PCDHA2: variants seen among roughly 807,000 people sequenced by gnomAD.
The protein encoded by PCDHA2 is protocadherin alpha-2.
PCDHA2 carries 58 observed loss-of-function variants against 66.0 expected under a neutral mutation model. That is an observed-to-expected ratio of 0.88 (90% CI 0.71 to 1.09). The LOEUF is 1.09. Among genes scored for constraint, PCDHA2 ranks in the 50% least tolerant of loss-of-function variants. PCDHA2 has a pLI of 0.00. For missense variants in PCDHA2, 1,267 were observed against 1,242.3 expected (o/e 1.02, Z -0.30); for synonymous variants, 634 against 554.0 (o/e 1.14, Z -2.03).
intron 1 of PCDHA2, among the ~76,000 whole-genome samples, chr5:140,893,520 T>G (rs1490032872): frequency 6.6e-6 from 1 of 152,152 alleles, no homozygotes; most frequent in Non-Finnish European, 1.5e-5. Flanking sequence ...GTTGTAGAAC[T>G]CCTTTAAGTA....
chr5:140,875,246 C>A (rs2055373842), intron 1 of PCDHA2: 3 of 955,372 alleles, frequency 3.1e-6, no homozygotes, highest in Non-Finnish European at 4.4e-6. Flanking sequence ...CTTACATAAT[C>A]AGTCACATGA....
Position 140,928,944 on chromosome 5 carries a change from A to C in PCDHA2, c.2389-50005A>C, listed in dbSNP as rs782627710. The C allele has an allele frequency of 6.2e-6, 10 of 1,614,070 alleles. No homozygotes were observed. In the Admixed American group the frequency reaches 1.7e-4, roughly 27 times the overall value. On this transcript the variant is annotated intron_variant, in intron 1 of 3. Transcript: ENST00000526136. ...AGCTTTCTGCCCAGAACTTGTATTTAGTAATTGCCTTGGCTTGTATTTCCT... is the reference window on the plus strand; with the variant it reads ...AGCTTTCTGCCCAGAACTTGTATTTCGTAATTGCCTTGGCTTGTATTTCCT...
rs1475862780 is a variant in PCDHA2 at position 140,982,724 on chromosome 5, G to T, written c.2536+161G>T. On this transcript the variant is annotated intron_variant, in intron 3 of 3. Transcript: ENST00000526136. Reference sequence around the variant, plus strand: ...ATTTCCTTACATATATGATTATTTTGATTTTATACCTAATGCTCTTCAGGA... The same window carrying T: ...ATTTCCTTACATATATGATTATTTTTATTTTATACCTAATGCTCTTCAGGA... 5.5e-6 allele frequency: 5 copies of T among 906,286 alleles called. No homozygotes were observed. The African/African-American group carries it at 9.0e-5, about 16-fold the overall frequency. The allele number at this position is 906,286 out of a possible 1,614,324, so 56.1% of individuals were successfully genotyped here.
intron 1 of PCDHA2, among the ~76,000 whole-genome samples, chr5:140,960,605 A>G (rs1405858302): frequency 6.6e-6 from 1 of 152,184 alleles, no homozygotes; most frequent in Non-Finnish European, 1.5e-5. Flanking sequence ...TACTTCAACA[A>G]TATCTAGTGT....
At chr5:140,829,447 T>G (rs2150168122) in intron 1 of PCDHA2, 1 of 1,613,912 alleles carries the variant, frequency 6.2e-7, no homozygotes, top group Non-Finnish European at 8.5e-7. Context: ...ATGACAATGC[T>G]CCGGCGTTCG....
At chr5:140,895,206 AT>A (rs2064913908) in intron 1 of PCDHA2, among the ~76,000 whole-genome samples, 1 of 151,808 alleles carries the variant, frequency 6.6e-6, no homozygotes, top group Non-Finnish European at 1.5e-5. Flanking sequence ...ATTTGCTTTT[AT>A]TTCTAATATT....
chr5:140,883,401 A>C, intron 1 of PCDHA2: 2 of 1,614,108 alleles, frequency 1.2e-6, no homozygotes, highest in Non-Finnish European at 1.7e-6. Flanking sequence ...TCCGATCGTG[A>C]CTCTGGCTCA....
Position 140,842,399 on chromosome 5 carries a change from C to T in PCDHA2, c.2388+45047C>T, listed in dbSNP as rs2150335315. The T allele has an allele frequency of 1.9e-5, 30 of 1,611,330 alleles. No individual in the cohort carries two copies. The South Asian group carries it at 3.2e-4, about 17-fold the overall frequency. Reference sequence around the variant, plus strand: ...ACTGACTTCCTTATCCTTGCCTGTACGTGAAGACGCTCAATTTGGTACTGT... The same window carrying T: ...ACTGACTTCCTTATCCTTGCCTGTATGTGAAGACGCTCAATTTGGTACTGT... On this transcript the variant is annotated intron_variant, in intron 1 of 3. Transcript: ENST00000526136.
intron 1 of PCDHA2, chr5:140,835,111 A>G: frequency 2.3e-6 from 3 of 1,290,786 alleles, no homozygotes; most frequent in Middle Eastern, 2.7e-4. Flanking sequence ...CCAGTGTTCG[A>G]CAGAACCCTG....
chr5:140,877,057 G>C, intron 1 of PCDHA2: 1 of 1,612,862 alleles, frequency 6.2e-7, no homozygotes. Flanking sequence ...CGAGGAGCTG[G>C]AGCTGCTGCA....
At chr5:140,867,426 AT>A (rs1462800556) in intron 1 of PCDHA2, 4 of 152,150 alleles carry the variant, frequency 2.6e-5, no homozygotes, top group African/African-American at 9.7e-5. Flanking sequence ...TTAATACAGA[AT>A]TTTGCATTTA....
chr5:140,927,432 C>G lies in PCDHA2; in HGVS notation c.2389-51517C>G, dbSNP rs781874569. The G allele has an allele frequency of 6.8e-6, 11 of 1,614,124 alleles. No homozygotes were observed. The East Asian group carries it at 2.5e-4, about 36-fold the overall frequency. On this transcript the variant is annotated intron_variant, in intron 1 of 3. Transcript: ENST00000526136. Reference sequence around the variant, plus strand: ...ACATGGGATCGCGGGTTGACGGCAGCGAATACCCGGAGTTGGTGTTGGAGA... The same window carrying G: ...ACATGGGATCGCGGGTTGACGGCAGGGAATACCCGGAGTTGGTGTTGGAGA...
At chr5:140,941,255 C>CTTTT (rs782490896) in intron 1 of PCDHA2, among the ~76,000 whole-genome samples, 1 of 44,504 alleles carries the variant, frequency 2.2e-5, no homozygotes, top group Non-Finnish European at 5.1e-5. Flanking sequence ...TTCTTTCTTT[C>CTTTT]TCTTTCTTTC....
rs535720832 is a variant in PCDHA2 at position 140,876,757 on chromosome 5, G to A, written c.2388+79405G>A. On this transcript the variant is annotated intron_variant, in intron 1 of 3. Transcript: ENST00000526136. ...CTATGAGCTGGTGGTGACTGCGCGG[G>A]ATGGGGGCTCGCCTTCGCTGTGGGC... 85 of 1,614,274 alleles carry A rather than the reference G, an allele frequency of 5.3e-5. No individual in the cohort carries two copies. The South Asian group carries it at 8.8e-4, about 17-fold the overall frequency.
intron 1 of PCDHA2, among the ~76,000 whole-genome samples, chr5:140,970,698 A>G (rs2096425914): frequency 6.6e-6 from 1 of 152,228 alleles, no homozygotes; most frequent in Non-Finnish European, 1.5e-5. Flanking sequence ...TTTTAGAGCT[A>G]CTACACAATG....
At position 140,823,260 on chromosome 5, in the gene PCDHA2, G is replaced by A. The variant is rs2150124011; in HGVS notation, c.2388+25908G>A. On this transcript the variant is annotated intron_variant, in intron 1 of 3. Transcript: ENST00000526136. ...CCCTGGTGTCCTACTCGCTGGTGGA[G>A]CGGCGGGTGGGCGAGCGCCCGCTGT... is the stretch of plus-strand genomic sequence containing the variant. 59 of 1,613,054 alleles carry A rather than the reference G, an allele frequency of 3.7e-5. No individual in the cohort carries two copies. In the Admixed American group the frequency reaches 7.5e-4, roughly 20 times the overall value.
At chr5:141,004,348 C>A (rs1554259549) in intron 3 of PCDHA2, among the ~76,000 whole-genome samples, 1 of 152,216 alleles carries the variant, frequency 6.6e-6, no homozygotes, top group Non-Finnish European at 1.5e-5. Context: ...CTGTGAGGGA[C>A]TGGAGAGACC....
intron 1 of PCDHA2, chr5:140,803,395 G>T: frequency 6.2e-7 from 1 of 1,614,234 alleles, no homozygotes; most frequent in South Asian, 1.1e-5. Flanking sequence ...GGCGACTGTG[G>T]GCCGGGCAAG....
At chr5:141,001,473 G>A (rs1172395730) in intron 3 of PCDHA2, among the ~76,000 whole-genome samples, 1 of 152,220 alleles carries the variant, frequency 6.6e-6, no homozygotes, top group African/African-American at 2.4e-5. Flanking sequence ...AAGCAGCAGC[G>A]GGGAAGTGCT....
Sources: gnomAD v4.1 joint callset for allele counts (sites outside exome capture counted in the v4.1 genomes callset) on GRCh38, gnomAD v4.1.1 for gene constraint, MANE v1.5 for transcripts, NCBI Gene and HGNC (gene_info 2026-07-23, HGNC 2026-07-21) for gene names.